Variants in IRAK2 observed in about 807,000 individuals in gnomAD.
The protein encoded by IRAK2 is interleukin 1 receptor associated kinase 2, also known as interleukin-1 receptor-associated kinase-like 2.
A neutral mutation model predicts 72.0 loss-of-function variants in IRAK2; 57 were observed. The ratio of observed to expected loss-of-function variants is 0.79; its 90% confidence interval spans 0.64 to 0.99. The LOEUF is 0.99. Ranked by LOEUF, IRAK2 falls within the 50% of genes least tolerant of loss-of-function variation. IRAK2 has a pLI of 0.00. For missense variants in IRAK2, 790 were observed against 794.4 expected, an observed-to-expected ratio of 0.99 and a Z score of 0.07; for synonymous variants, 293 against 312.7, an observed-to-expected ratio of 0.94 and a Z score of 0.67.
intron 1 of IRAK2, among the ~76,000 whole-genome samples, chr3:10,166,970 T>C (rs1217847513): frequency 6.6e-6 from 1 of 152,210 alleles, no homozygotes; most frequent in East Asian, 1.9e-4. Flanking sequence ...GAATGTTTCC[T>C]GGGCAGTGAA....
chr3:10,215,341 C>T (rs1397720260), intron 6 of IRAK2, among the ~76,000 whole-genome samples: 1 of 145,842 alleles, frequency 6.9e-6, no homozygotes, highest in Non-Finnish European at 1.5e-5. Flanking sequence ...TTGCAGTGAG[C>T]CCAGATCGCA....
chr3:10,174,779 C>T (rs540438418), intron 1 of IRAK2, among the ~76,000 whole-genome samples: 24 of 152,186 alleles, frequency 1.6e-4, no homozygotes, highest in Non-Finnish European at 3.1e-4. Flanking sequence ...CCCACCTCAG[C>T]CTCCCAAAGT....
At chr3:10,190,871 T>C (rs986876872) in intron 2 of IRAK2, among the ~76,000 whole-genome samples, 11 of 152,204 alleles carry the variant, frequency 7.2e-5, no homozygotes, top group Non-Finnish European at 1.2e-4. Flanking sequence ...CCTGCATTCT[T>C]GTAGCCAGCT....
In IRAK2 at chr3:10,238,791, G is replaced by A. The variant is rs1427956588; in HGVS notation, c.1517G>A (p.Arg506Gln). ...VAAVEERLRG[R>Q]ETLLPWSGLS... Reference sequence around the variant, plus strand: ...GCTGTGGAAGAGCGGCTCCGAGGTCGGGAGACGTTGCTCCCTTGGAGTGGG... The same window carrying A: ...GCTGTGGAAGAGCGGCTCCGAGGTCAGGAGACGTTGCTCCCTTGGAGTGGG... The change falls in exon 12 of 13, where the codon CGG becomes CAG. Residue 506 changes from arginine to glutamine, a missense_variant. Physicochemically the swap from Arg to Gln is conservative, Grantham distance 43. Coordinates refer to ENST00000256458, the MANE Select transcript of IRAK2 (RefSeq NM_001570.4). 5.6e-6 allele frequency: 9 copies of A among 1,613,972 alleles called. No homozygotes were observed. Among genetic ancestry groups the A allele is most frequent in the African/African-American group, 4.0e-5 (3 of 74,876 alleles).
intron 11 of IRAK2, among the ~76,000 whole-genome samples, chr3:10,235,347 C>A (rs890285272): frequency 2.0e-5 from 3 of 151,892 alleles, no homozygotes; most frequent in African/African-American, 7.3e-5. Flanking sequence ...CCTTCTGTCG[C>A]CCAGGCTGGA....
rs1401168000 is a variant in IRAK2, at chr3:10,226,517, A to C, written c.1272+84A>C. ...GAGGGCAACGACCTCAATTCTAGCT[A>C]GTTTTACACATGCAAATGAGGCCCG... is the stretch of plus-strand genomic sequence containing the variant. On this transcript the variant is annotated intron_variant, in intron 10 of 12. Coordinates refer to ENST00000256458, the MANE Select transcript of IRAK2 (RefSeq NM_001570.4). The C allele has an allele frequency of 5.5e-6, 6 of 1,098,424 alleles. No individual in the cohort carries two copies. In the East Asian group the frequency reaches 1.3e-4, roughly 23 times the overall value. 68.0% of individuals were successfully genotyped at this position (1,098,424 alleles called of 1,614,324 possible). A position where few individuals can be genotyped will look rare whatever the true frequency, so the allele number is the denominator to read the frequency against.
At chr3:10,210,495 T>A (rs1697501019) in intron 4 of IRAK2, among the ~76,000 whole-genome samples, 1 of 152,230 alleles carries the variant, frequency 6.6e-6, no homozygotes. Context: ...TTAAAATAAA[T>A]TAAAATGTTC....
chr3:10,198,164 A>G (rs1022139452), intron 2 of IRAK2, among the ~76,000 whole-genome samples: 33 of 152,332 alleles, frequency 2.2e-4, no homozygotes, highest in African/African-American at 7.7e-4. Context: ...ACACCACTGC[A>G]CTCCAGCCTG....
intron 2 of IRAK2, among the ~76,000 whole-genome samples, chr3:10,181,032 C>T (rs1401360383): frequency 6.6e-6 from 1 of 152,146 alleles, no homozygotes; most frequent in Non-Finnish European, 1.5e-5. Context: ...TGGACCCTGA[C>T]TCCTCTGTGT....
At chr3:10,165,303 A>C (rs1352581188) in intron 1 of IRAK2, among the ~76,000 whole-genome samples, 1 of 152,040 alleles carries the variant, frequency 6.6e-6, no homozygotes, top group Non-Finnish European at 1.5e-5. Context: ...AACGGTGGGT[A>C]CGGGGGCCCT....
intron 2 of IRAK2, among the ~76,000 whole-genome samples, chr3:10,186,490 C>G (rs1697077085): frequency 6.6e-6 from 1 of 151,706 alleles, no homozygotes; most frequent in South Asian, 2.1e-4. Context: ...CCTCACCCCC[C>G]AATTTAATGT....
intron 12 of IRAK2, among the ~76,000 whole-genome samples, chr3:10,240,999 A>G (rs1407747811): frequency 6.6e-6 from 1 of 151,622 alleles, no homozygotes; most frequent in Non-Finnish European, 1.5e-5. Flanking sequence ...GGATGTGAGC[A>G]TTTTTTTCAC....
At chr3:10,221,578 G>A (rs1450536820) in intron 8 of IRAK2, among the ~76,000 whole-genome samples, 1 of 151,840 alleles carries the variant, frequency 6.6e-6, no homozygotes, top group Admixed American at 6.6e-5. Flanking sequence ...TTGAGACAGG[G>A]CCTTGCTCTT....
chr3:10,177,814 C>T (rs774935194), intron 1 of IRAK2, 24 bp from the exon 2 acceptor site: 1 of 1,606,878 alleles, frequency 6.2e-7, no homozygotes, highest in African/African-American at 1.3e-5. Context: ...TGACTCTAAG[C>T]AGAGTTCTCT....
chr3:10,224,603 A>G (rs1417210919), intron 9 of IRAK2, among the ~76,000 whole-genome samples: 2 of 150,204 alleles, frequency 1.3e-5, no homozygotes, highest in Middle Eastern at 3.2e-3. Flanking sequence ...TCCTTCTGAT[A>G]TCTGTTTACT....
chr3:10,227,681 G>T (rs1678598), intron 10 of IRAK2, among the ~76,000 whole-genome samples: 54,315 of 148,368 alleles, frequency 0.37, 12,083 homozygotes, highest in East Asian at 0.84. Flanking sequence ...TTTTGTTTTT[G>T]TTTTTGAGAC....
intron 2 of IRAK2, among the ~76,000 whole-genome samples, chr3:10,185,209 G>T (rs907467667): frequency 4.6e-5 from 7 of 151,450 alleles, no homozygotes; most frequent in African/African-American, 7.3e-5. Context: ...TAGTGGTGAG[G>T]CCCAGCAGTC....
At chr3:10,180,366 T>C (rs1461174785) in intron 2 of IRAK2, among the ~76,000 whole-genome samples, 1 of 152,110 alleles carries the variant, frequency 6.6e-6, no homozygotes, top group African/African-American at 2.4e-5. Flanking sequence ...AGACAGTTAA[T>C]GCATAGGAAA....
In IRAK2 at chr3:10,222,816, C is replaced by T; in HGVS notation, c.1194C>T (p.Ile398=). 6.2e-7 allele frequency: 1 copy of T among 1,614,122 alleles called. No homozygotes were observed. The highest frequency in any genetic ancestry group is 8.5e-7 in the Non-Finnish European group (1 of 1,179,974). ...GGCAGCTGACAAAGCGAGTGGACAT[C>T]TTCAGCTGTGGAATAGTAAGAGTGT... ...RVGQLTKRVD[I]FSCGIVLAEV... The change falls in exon 9 of 13, where the codon ATC becomes ATT. Residue 398 remains isoleucine (I), a synonymous_variant. Coordinates refer to ENST00000256458, the MANE Select transcript of IRAK2 (RefSeq NM_001570.4).
Sources: allele counts gnomAD v4.1 joint callset (sites outside exome capture counted in the v4.1 genomes callset), GRCh38; gene constraint gnomAD v4.1.1; transcripts MANE v1.5; gene names NCBI Gene and HGNC (gene_info 2026-07-23, HGNC 2026-07-21).